Variants in MAPKBP1 observed in about 807,000 individuals in gnomAD.
MAPKBP1 encodes the protein mitogen-activated protein kinase-binding protein 1.
A neutral mutation model predicts 170.5 loss-of-function variants in MAPKBP1; 71 were observed. The observed-to-expected ratio is 0.42, with a 90% CI of 0.34 to 0.51. MAPKBP1 has a LOEUF of 0.51. Among genes scored for constraint, MAPKBP1 ranks in the 20% least tolerant of loss-of-function variants. MAPKBP1 has a pLI of 0.06. For missense variants in MAPKBP1, 1,598 were observed against 1,933.0 expected (o/e 0.83, Z 3.25); for synonymous variants, 719 against 757.9 (o/e 0.95, Z 0.84).
chr15:41,779,975 G>C (rs911455240), intron 2 of MAPKBP1, among the ~76,000 whole-genome samples: 3 of 152,220 alleles, frequency 2.0e-5, no homozygotes, highest in Non-Finnish European at 2.9e-5. Context: ...GGTGCCTGCA[G>C]CTGCCCTCAG....
At position 41,815,666 on chromosome 15, in the gene MAPKBP1, C is replaced by G. The variant is rs1223884831; in HGVS notation, c.1360C>G (p.Leu454Val). 1 of 1,614,002 alleles carries G rather than the reference C, an allele frequency of 6.2e-7. No individual in the cohort carries two copies. The highest frequency in any genetic ancestry group is 1.3e-5 in the African/African-American group (1 of 74,950). ...IIYVDGNTQA[L>V]LDTELPGGDK... ...CTATGTGGATGGGAACACCCAGGCC[C>G]TGCTGGACACAGAGCTGCCTGGAGG... is the stretch of plus-strand genomic sequence containing the variant. Residue 454 changes from leucine (L) to valine (V), a missense_variant, in exon 12 of 31, where the codon CTG becomes GTG. By Grantham distance (32) the Leu-to-Val change is conservative. Transcript: ENST00000457542.
intron 3 of MAPKBP1, among the ~76,000 whole-genome samples, chr15:41,802,864 A>C (rs1392312363): frequency 6.6e-6 from 1 of 152,170 alleles, no homozygotes; most frequent in East Asian, 1.9e-4. Context: ...ACAAACACAC[A>C]CATTAGCCTA....
intron 2 of MAPKBP1, among the ~76,000 whole-genome samples, chr15:41,788,938 G>A (rs1191859218): frequency 6.6e-6 from 1 of 152,164 alleles, no homozygotes; most frequent in African/African-American, 2.4e-5. Flanking sequence ...ATCCAGGAAT[G>A]TGTTGAAGGC....
rs1201689 is a variant in MAPKBP1, at chr15:41,813,720, C to A, written c.919C>A (p.Leu307Ile). Residue 307 changes from leucine (L) to isoleucine (I), a missense_variant, in exon 9 of 31, where the codon CTT becomes ATT. Leu to Ile is a conservative substitution (Grantham distance 5). This residue lies in a region of MAPKBP1 where 430 missense variants were observed against 617.2 expected (regional missense o/e 0.70). Coordinates refer to ENST00000457542, the MANE Select transcript of MAPKBP1 (RefSeq NM_014994.3). ...RLFNPSNLHFLSTLPRPHALG... is the reference protein window; with the variant it reads ...RLFNPSNLHFISTLPRPHALG... ...TTTCAACCCCTCTAACCTGCACTTC[C>A]TTAGCACCTTGCCCCGACCCCATGC... 1.9e-6 allele frequency: 3 copies of A among 1,613,128 alleles called. No homozygotes were observed. The highest frequency in any genetic ancestry group is 2.5e-6 in the Non-Finnish European group (3 of 1,179,638).
At chr15:41,785,809 A>G (rs1228702460) in intron 2 of MAPKBP1, among the ~76,000 whole-genome samples, 4 of 152,180 alleles carry the variant, frequency 2.6e-5, no homozygotes, top group African/African-American at 7.2e-5. Flanking sequence ...CATTAATCCA[A>G]CTTTCTTAGA....
intron 2 of MAPKBP1, among the ~76,000 whole-genome samples, chr15:41,793,643 T>C (rs969895922): frequency 1.3e-5 from 2 of 152,252 alleles, no homozygotes; most frequent in East Asian, 3.8e-4. Flanking sequence ...TGATAAGCTC[T>C]AAGACTGTGA....
intron 23 of MAPKBP1, 26 bp from the exon 24 acceptor site, chr15:41,821,558 G>T: frequency 6.3e-7 from 1 of 1,597,856 alleles, no homozygotes; most frequent in Non-Finnish European, 8.5e-7. Flanking sequence ...CCTCTGCTCT[G>T]TTAACATCCC....
intron 2 of MAPKBP1, among the ~76,000 whole-genome samples, chr15:41,784,327 C>A (rs898071099): frequency 6.6e-6 from 1 of 152,026 alleles, no homozygotes; most frequent in Non-Finnish European, 1.5e-5. Context: ...CTAGAACTGG[C>A]TAGTGAAAAG....
intron 2 of MAPKBP1, among the ~76,000 whole-genome samples, chr15:41,794,891 G>A (rs1050414637): frequency 1.3e-5 from 2 of 152,130 alleles, no homozygotes; most frequent in African/African-American, 2.4e-5. Flanking sequence ...GTGGCCGGGC[G>A]TGATGGCTCA....
intron 21 of MAPKBP1, 40 bp from the exon 22 acceptor site, chr15:41,819,555 G>GGGGA: frequency 6.7e-7 from 1 of 1,481,942 alleles, no homozygotes; most frequent in Non-Finnish European, 9.3e-7. Flanking sequence ...GGCGGGGGGG[G>GGGGA]GGCAGGAGAC....
At chr15:41,787,404 G>C (rs1259471048) in intron 2 of MAPKBP1, among the ~76,000 whole-genome samples, 3 of 151,828 alleles carry the variant, frequency 2.0e-5, no homozygotes, top group Non-Finnish European at 4.4e-5. Context: ...GTCTCGCTCT[G>C]TCGCCCAGGC....
In MAPKBP1 at chr15:41,813,693, C is replaced by T; in HGVS notation, c.892C>T (p.Leu298Phe). Residue 298 changes from leucine to phenylalanine, a missense_variant, in exon 9 of 31, where the codon CTT becomes TTT. By Grantham distance (22) the Leu-to-Phe change is conservative. Transcript: ENST00000457542. ...FCGCADGTVR[L>F]FNPSNLHFLS... ...TGGCTGTGCTGATGGCACCGTGCGCCTTTTCAACCCCTCTAACCTGCACTT... is the reference window on the plus strand; with the variant it reads ...TGGCTGTGCTGATGGCACCGTGCGCTTTTTCAACCCCTCTAACCTGCACTT... The T allele has an allele frequency of 6.2e-7, 1 of 1,614,002 alleles. No individual in the cohort carries two copies.
At chr15:41,775,815 T>C (rs1424260534) in intron 2 of MAPKBP1, among the ~76,000 whole-genome samples, 4 of 152,228 alleles carry the variant, frequency 2.6e-5, no homozygotes, top group South Asian at 2.1e-4. Flanking sequence ...GAAAGAAATA[T>C]GCTAAAACAC....
intron 2 of MAPKBP1, among the ~76,000 whole-genome samples, chr15:41,784,653 A>G (rs1446073723): frequency 6.6e-6 from 1 of 151,628 alleles, no homozygotes; most frequent in Non-Finnish European, 1.5e-5. Flanking sequence ...GTGGTGGCGC[A>G]CACCTGTAGT....
rs747937020 is a variant in MAPKBP1 at position 41,823,671 on chromosome 15, C to A, written c.3823C>A (p.Arg1275=). The change falls in exon 29 of 31, where the codon CGA becomes AGA. Residue 1275 remains arginine, a synonymous_variant. Transcript: ENST00000457542. ...VAEPQAHAPI[R]VSPLSKLALP... is the part of the protein sequence containing the mutation. ...TGAACCTCAAGCTCATGCCCCCATC[C>A]GAGTCTCACCACTCAGCAAGCTGGC... The A allele has an allele frequency of 8.1e-6, 13 of 1,614,062 alleles. No homozygotes were observed. The highest frequency in any genetic ancestry group is 1.1e-5 in the Non-Finnish European group (13 of 1,180,038).
Position 41,817,902 on chromosome 15 carries a change from G to A in MAPKBP1, c.1905-107G>A, listed in dbSNP as rs1471476189. 1 of 1,515,584 alleles carries A rather than the reference G, an allele frequency of 6.6e-7. No individual in the cohort carries two copies. The highest frequency in any genetic ancestry group is 1.2e-5 in the South Asian group (1 of 86,078). The allele number at this position is 1,515,584 out of a possible 1,614,324, so 93.9% of individuals were successfully genotyped here. ...GGTGGTAGCCTGTTTGCTGCTGGGG[G>A]TAGCTCCCAGAGAGTGTAGACTGGG... On this transcript the variant is annotated intron_variant, in intron 16 of 30. Transcript: ENST00000457542. The surrounding 1 kb of genome is among the most constrained non-coding windows in gnomAD (Gnocchi z 4.2).
At chr15:41,787,829 C>CT (rs768807571) in intron 2 of MAPKBP1, among the ~76,000 whole-genome samples, 27 of 152,172 alleles carry the variant, frequency 1.8e-4, no homozygotes, top group Non-Finnish European at 2.1e-4. Context: ...GCATCAGAAT[C>CT]TTACTTCCTG....
At chr15:41,786,680 A>C (rs1184770739) in intron 2 of MAPKBP1, among the ~76,000 whole-genome samples, 2 of 147,878 alleles carry the variant, frequency 1.4e-5, no homozygotes, top group African/African-American at 2.5e-5. Flanking sequence ...CAAGAGAATG[A>C]CATGAACCCG....
At chr15:41,800,339 T>A (rs2064567722) in intron 3 of MAPKBP1, among the ~76,000 whole-genome samples, 2 of 152,186 alleles carry the variant, frequency 1.3e-5, no homozygotes, top group Admixed American at 1.3e-4. Flanking sequence ...GACATTTTCA[T>A]GACCTTGTTC....
Sources: gnomAD v4.1 joint callset for allele counts (sites outside exome capture counted in the v4.1 genomes callset) on GRCh38, gnomAD v4.1.1 for gene constraint, gnomAD v4.1.1 regional missense constraint, Gnocchi (gnomAD v3.1) non-coding constraint, MANE v1.5 for transcripts, NCBI Gene and HGNC (gene_info 2026-07-23, HGNC 2026-07-21) for gene names.